NR2F1-AS1: variants seen among roughly 807,000 people sequenced by gnomAD.
NR2F1-AS1 encodes the protein NR2F1 antisense RNA 1.
At chr5:93,425,160 G>C (rs1456966222) in intron 4 of NR2F1-AS1, among the ~76,000 whole-genome samples, 1 of 152,222 alleles carries the variant, frequency 6.6e-6, no homozygotes, top group African/African-American at 2.4e-5. Context: ...ACACCCCAGA[G>C]AGATCAGGGG....
At chr5:93,417,249 C>A (rs72786606) in intron 4 of NR2F1-AS1, among the ~76,000 whole-genome samples, 1 of 152,178 alleles carries the variant, frequency 6.6e-6, no homozygotes, top group Non-Finnish European at 1.5e-5. Flanking sequence ...CAGGCCTTGA[C>A]CTCATTTTCA....
chr5:93,477,929 G>A (rs1750518463), intron 4 of NR2F1-AS1, among the ~76,000 whole-genome samples: 1 of 152,196 alleles, frequency 6.6e-6, no homozygotes. Flanking sequence ...TCAAAATGCA[G>A]TGCTATGTAT....
chr5:93,528,072 G>C (rs1208040025), intron 4 of NR2F1-AS1, among the ~76,000 whole-genome samples: 1 of 152,008 alleles, frequency 6.6e-6, no homozygotes, highest in Non-Finnish European at 1.5e-5. Context: ...CTACAGAATG[G>C]GAGAAAATTT....
chr5:93,516,513 T>C (rs1751403989), intron 4 of NR2F1-AS1, among the ~76,000 whole-genome samples: 1 of 151,960 alleles, frequency 6.6e-6, no homozygotes, highest in Admixed American at 6.6e-5. Context: ...CTTTATAATT[T>C]ACAAGGCACT....
At chr5:93,419,231 G>A (rs924067741) in intron 4 of NR2F1-AS1, among the ~76,000 whole-genome samples, 4 of 152,156 alleles carry the variant, frequency 2.6e-5, no homozygotes, top group African/African-American at 9.7e-5. Context: ...GTGAAAAAAG[G>A]ATGATGGACA....
chr5:93,506,737 C>G (rs1751193352), intron 4 of NR2F1-AS1, among the ~76,000 whole-genome samples: 1 of 152,090 alleles, frequency 6.6e-6, no homozygotes, highest in Non-Finnish European at 1.5e-5. Flanking sequence ...AATTAGCTCC[C>G]CCGGGTCCCT....
At chr5:93,537,345 C>T (rs1158995734) in intron 4 of NR2F1-AS1, among the ~76,000 whole-genome samples, 3 of 152,014 alleles carry the variant, frequency 2.0e-5, no homozygotes, top group African/African-American at 7.2e-5. Flanking sequence ...GCAAAGGAAA[C>T]AATTAACAGA....
intron 4 of NR2F1-AS1, among the ~76,000 whole-genome samples, chr5:93,415,544 A>G (rs1268918115): frequency 2.6e-5 from 4 of 152,224 alleles, no homozygotes; most frequent in Non-Finnish European, 5.9e-5. Context: ...ATGGTTTGAC[A>G]AAAGATATTA....
chr5:93,572,608 C>A (rs1752798423), intron 1 of NR2F1-AS1, among the ~76,000 whole-genome samples: 1 of 152,242 alleles, frequency 6.6e-6, no homozygotes, highest in Non-Finnish European at 1.5e-5. Flanking sequence ...CCAGGGCTCA[C>A]CCCACACTGA....
intron 4 of NR2F1-AS1, among the ~76,000 whole-genome samples, chr5:93,444,556 C>T (rs1487076391): frequency 3.3e-5 from 5 of 152,092 alleles, no homozygotes. Flanking sequence ...AAAGTAAGTC[C>T]TTAGAGACCT....
chr5:93,452,972 C>A (rs567331153), intron 4 of NR2F1-AS1, among the ~76,000 whole-genome samples: 3 of 151,912 alleles, frequency 2.0e-5, no homozygotes, highest in African/African-American at 7.2e-5. Context: ...TACCCATAAT[C>A]CAAAGAAAAC....
chr5:93,558,971 A>G (rs932607062), intron 2 of NR2F1-AS1, among the ~76,000 whole-genome samples: 14 of 152,228 alleles, frequency 9.2e-5, no homozygotes, highest in Non-Finnish European at 1.9e-4. Flanking sequence ...GCAAATGAGC[A>G]TTGGCTTCAT....
intron 4 of NR2F1-AS1, among the ~76,000 whole-genome samples, chr5:93,528,133 A>G (rs913400471): frequency 2.0e-5 from 3 of 152,130 alleles, no homozygotes; most frequent in Non-Finnish European, 2.9e-5. Context: ...GAATCTACAA[A>G]GAACTTAAAC....
chr5:93,542,419 G>A (rs896376393), intron 4 of NR2F1-AS1: 6 of 152,020 alleles, frequency 3.9e-5, no homozygotes, highest in Non-Finnish European at 7.4e-5. Flanking sequence ...ATTATAGTAA[G>A]ATCAACAGCA....
intron 4 of NR2F1-AS1, among the ~76,000 whole-genome samples, chr5:93,462,006 T>G (rs1750105004): frequency 6.6e-6 from 1 of 152,208 alleles, no homozygotes; most frequent in Admixed American, 6.5e-5. Context: ...CAAAATCCAC[T>G]GGTTTGCATT....
At chr5:93,431,135 G>A (rs1276057601) in intron 4 of NR2F1-AS1, among the ~76,000 whole-genome samples, 2 of 152,054 alleles carry the variant, frequency 1.3e-5, no homozygotes, top group African/African-American at 4.8e-5. Flanking sequence ...AGCCATACAG[G>A]CTATAAACTA....
At chr5:93,548,284 G>A (rs1033738940) in intron 4 of NR2F1-AS1, among the ~76,000 whole-genome samples, 2 of 151,818 alleles carry the variant, frequency 1.3e-5, no homozygotes, top group Non-Finnish European at 2.9e-5. Context: ...AATTTATGTG[G>A]TCAAAAAAAA....
At chr5:93,554,415 C>T (rs770775111) in intron 3 of NR2F1-AS1, among the ~76,000 whole-genome samples, 40 of 151,894 alleles carry the variant, frequency 2.6e-4, no homozygotes, top group Admixed American at 3.9e-4. Flanking sequence ...TTGTTAATAC[C>T]GAGGTTTTAC....
intron 4 of NR2F1-AS1, among the ~76,000 whole-genome samples, chr5:93,548,864 TC>T (rs1752156608): frequency 6.6e-6 from 1 of 152,104 alleles, no homozygotes; most frequent in African/African-American, 2.4e-5. Context: ...AGAGTGAGAA[TC>T]TGCCTCAAGA....
Sources: gnomAD v4.1 joint callset for allele counts (sites outside exome capture counted in the v4.1 genomes callset) on GRCh38, gnomAD v4.1.1 for gene constraint, MANE v1.5 for transcripts, NCBI Gene and HGNC (gene_info 2026-07-23, HGNC 2026-07-21) for gene names.